Variants in GPC5 observed in about 807,000 individuals in gnomAD.
GPC5 encodes the protein glypican 5.
In GPC5, 47 loss-of-function variants were observed where a neutral mutation model predicts 53.9. The ratio of observed to expected loss-of-function variants is 0.87; its 90% CI spans 0.69 to 1.11. The LOEUF (loss-of-function observed/expected upper bound fraction) is 1.11. GPC5 is among the 50% of genes most tolerant of loss of function. The pLI is 0.00. For synonymous variants in GPC5, 286 were observed against 263.3 expected, an observed-to-expected ratio of 1.09 and a Z score of -0.84; for missense variants, 748 against 713.1, an observed-to-expected ratio of 1.05 and a Z score of -0.56.
intron 7 of GPC5, among the ~76,000 whole-genome samples, chr13:92,714,120 A>C (rs1313219623): frequency 6.6e-6 from 1 of 152,184 alleles, no homozygotes; most frequent in Admixed American, 6.5e-5. Flanking sequence ...CTCTGGCTCT[A>C]GAGGGGAAGA....
At chr13:92,150,779 C>G (rs1480221650) in intron 7 of GPC5, among the ~76,000 whole-genome samples, 10 of 151,676 alleles carry the variant, frequency 6.6e-5, no homozygotes, top group Non-Finnish European at 1.0e-4. Context: ...CTCAGCTGTT[C>G]TGTAATATGT....
intron 7 of GPC5, among the ~76,000 whole-genome samples, chr13:92,849,013 G>C (rs1310643186): frequency 6.6e-6 from 1 of 152,118 alleles, no homozygotes; most frequent in African/African-American, 2.4e-5. Flanking sequence ...TTCAATATGA[G>C]TGTTCTCTCC....
At chr13:91,523,147 C>T (rs1029803118) in intron 2 of GPC5, among the ~76,000 whole-genome samples, 6 of 152,036 alleles carry the variant, frequency 3.9e-5, no homozygotes, top group African/African-American at 1.4e-4. Context: ...TTGGTGGAAA[C>T]GTAAATTGGT....
In GPC5 at chr13:91,920,926, C is replaced by CTTT. The variant is rs869309251; in HGVS notation, c.1401+12896_1401+12898dup. ...TTTAAATCTCTCTCTCTCTCTCTCT[C>CTTT]TTTTTTTTTTTTTTTTTTTTTTTTT... On this transcript the variant is annotated intron_variant, in intron 6 of 7. Coordinates refer to ENST00000377067, the MANE Select transcript of GPC5 (RefSeq NM_004466.6). 1.7e-3 allele frequency among the ~76,000 whole-genome samples: 56 copies of CTTT among 32,162 alleles called. 1 individual carries two copies. Among genetic ancestry groups the CTTT allele is most frequent in the African/African-American group, 3.2e-3 (26 of 8,238 alleles). 21.1% of individuals were successfully genotyped at this position (32,162 alleles called of 152,430 possible).
At chr13:91,488,429 G>A (rs181054661) in intron 2 of GPC5, among the ~76,000 whole-genome samples, 1 of 152,274 alleles carries the variant, frequency 6.6e-6, no homozygotes, top group Admixed American at 6.5e-5. Context: ...GAAAGTCAGG[G>A]ACCCCGAACG....
chr13:92,626,284 A>C (rs1885043036), intron 7 of GPC5, among the ~76,000 whole-genome samples: 1 of 152,178 alleles, frequency 6.6e-6, no homozygotes, highest in Non-Finnish European at 1.5e-5. Flanking sequence ...CAGGAACCCA[A>C]ACAGAGCAGT....
At chr13:92,205,121 G>A (rs547114729) in intron 7 of GPC5, among the ~76,000 whole-genome samples, 1 of 152,012 alleles carries the variant, frequency 6.6e-6, no homozygotes, top group Non-Finnish European at 1.5e-5. Context: ...CTCGTGATCC[G>A]CCCACCTCGG....
At chr13:91,970,586 AC>A (rs1234204421) in intron 6 of GPC5, among the ~76,000 whole-genome samples, 1 of 152,158 alleles carries the variant, frequency 6.6e-6, no homozygotes, top group Non-Finnish European at 1.5e-5. Flanking sequence ...TGTCAGTTGT[AC>A]CTCAATGAAG....
At chr13:92,390,664 T>A (rs938648737) in intron 7 of GPC5, among the ~76,000 whole-genome samples, 1 of 152,150 alleles carries the variant, frequency 6.6e-6, no homozygotes, top group Non-Finnish European at 1.5e-5. Flanking sequence ...TTCTTTGTAT[T>A]TATCGTATGT....
chr13:92,817,293 A>G (rs1445881900), intron 7 of GPC5, among the ~76,000 whole-genome samples: 1 of 152,024 alleles, frequency 6.6e-6, no homozygotes, highest in Non-Finnish European at 1.5e-5. Context: ...ACAATTCTGC[A>G]GCAGGAAAAA....
At chr13:91,857,717 T>A (rs2038982200) in intron 5 of GPC5, among the ~76,000 whole-genome samples, 1 of 151,338 alleles carries the variant, frequency 6.6e-6, no homozygotes, top group Admixed American at 6.6e-5. Context: ...TGGAACACAT[T>A]CAATATATAG....
At chr13:92,044,419 T>C (rs2040965687) in intron 6 of GPC5, among the ~76,000 whole-genome samples, 1 of 152,166 alleles carries the variant, frequency 6.6e-6, no homozygotes, top group Admixed American at 6.5e-5. Flanking sequence ...TGGGGAGCCA[T>C]AGAATCAGAA....
rs1318264718 is a variant in GPC5 at position 92,017,771 on chromosome 13, TGCATGAGTACACACACAC to T, written c.1401+109731_1401+109748del. ...CACTTCCACAAAATAAACACACACG[TGCATGAGTACACACACAC>T]GCATGAGTACACACACGCATGAGTA... On this transcript the variant is annotated intron_variant, in intron 6 of 7. Transcript: ENST00000377067. 1.1e-4 allele frequency among the ~76,000 whole-genome samples: 16 copies of T among 150,734 alleles called. No homozygotes were observed. The East Asian group carries it at 1.6e-3, about 15-fold the overall frequency.
At chr13:92,144,348 CTA>C in intron 6 of GPC5, among the ~76,000 whole-genome samples, 1 of 152,074 alleles carries the variant, frequency 6.6e-6, no homozygotes, top group Non-Finnish European at 1.5e-5. Flanking sequence ...TTAAATGAAA[CTA>C]TAAATGTATA....
At chr13:92,325,187 A>T (rs569932074) in intron 7 of GPC5, among the ~76,000 whole-genome samples, 3 of 151,794 alleles carry the variant, frequency 2.0e-5, no homozygotes, top group Admixed American at 6.6e-5. Context: ...ATATTCTCAG[A>T]TTAGTAAGAG....
At chr13:92,212,495 A>G (rs2042382543) in intron 7 of GPC5, among the ~76,000 whole-genome samples, 1 of 152,206 alleles carries the variant, frequency 6.6e-6, no homozygotes, top group African/African-American at 2.4e-5. Flanking sequence ...ATTGCTTAAG[A>G]CAGTCCTTCA....
intron 1 of GPC5, among the ~76,000 whole-genome samples, chr13:91,447,441 A>T (rs1285501886): frequency 6.6e-6 from 1 of 152,076 alleles, no homozygotes. Flanking sequence ...TGTGACACTT[A>T]CGAATATTTT....
chr13:92,280,850 T>A (rs1209740027), intron 7 of GPC5, among the ~76,000 whole-genome samples: 2 of 152,130 alleles, frequency 1.3e-5, no homozygotes, highest in Non-Finnish European at 2.9e-5. Context: ...TTTCTGCATT[T>A]CCAACTGAGG....
intron 6 of GPC5, among the ~76,000 whole-genome samples, chr13:91,933,801 A>G (rs2039844574): frequency 6.6e-6 from 1 of 151,976 alleles, no homozygotes. Flanking sequence ...CTGAAGACTG[A>G]CACTGTGTAT....
Sources: allele counts gnomAD v4.1 joint callset (sites outside exome capture counted in the v4.1 genomes callset), GRCh38; gene constraint gnomAD v4.1.1; transcripts MANE v1.5; gene names NCBI Gene and HGNC (gene_info 2026-07-23, HGNC 2026-07-21).